The following B4GALNT4 variants were observed in gnomAD, a reference collection of about 807,000 sequenced individuals.
The protein encoded by B4GALNT4 is beta-1,4-N-acetyl-galactosaminyltransferase 4.
Under a neutral mutation model 110.0 loss-of-function variants are expected in B4GALNT4, and 77 were observed. That is an observed-to-expected ratio of 0.70 (90% CI 0.58 to 0.85). The LOEUF (loss-of-function observed/expected upper bound fraction) is 0.85. Ranked by LOEUF, B4GALNT4 falls within the 40% of genes least tolerant of loss-of-function variation. The pLI is 0.00. For synonymous variants in B4GALNT4, 785 were observed against 655.5 expected, an observed-to-expected ratio of 1.20 and a Z score of -3.02; for missense variants, 1,575 against 1,506.0, an observed-to-expected ratio of 1.05 and a Z score of -0.76.
Position 376,895 on chromosome 11 carries a change from C to A in B4GALNT4, c.1772C>A (p.Ala591Asp), listed in dbSNP as rs970642755. Residue 591 changes from alanine to aspartate, a missense_variant, in exon 14 of 20, where the codon GCC becomes GAC. Physicochemically the swap from Ala to Asp is moderately radical, Grantham distance 126 (BLOSUM62 -2). Coordinates refer to ENST00000329962, the MANE Select transcript of B4GALNT4 (RefSeq NM_178537.5). ...CAGGCCACACAGCCGAGGCCCCCAG[C>A]CCGGGCGCAGGCCACCCAAGGGGGC... ...GPQATQPRPP[A>D]RAQATQGGRE... The A allele has an allele frequency of 2.4e-5, 32 of 1,358,048 alleles. No individual in the cohort carries two copies. The African/African-American group carries it at 4.6e-4, about 20-fold the overall frequency. 84.1% of individuals were successfully genotyped at this position (1,358,048 alleles called of 1,614,324 possible). A position where few individuals can be genotyped will look rare whatever the true frequency, so the allele number is the denominator to read the frequency against.
intron 2 of B4GALNT4, 55 bp downstream of exon 2, chr11:372,267 C>T: frequency 1.3e-6 from 2 of 1,489,114 alleles, no homozygotes; most frequent in Non-Finnish European, 1.8e-6. Context: ...CCCGAAGCCA[C>T]TTGTGTGTTG....
chr11:377,229 C>G lies in B4GALNT4; in HGVS notation c.2106C>G (p.Asp702Glu), dbSNP rs753067652. The G allele has an allele frequency of 1.3e-6, 2 of 1,598,040 alleles. No individual in the cohort carries two copies. Among genetic ancestry groups the G allele is most frequent in the East Asian group, 4.5e-5 (2 of 44,068 alleles). ...DFELLRSDWN[D>E]LRCNVSGNLQ... Reference sequence around the variant, plus strand: ...AGCTGCTGCGCTCGGACTGGAACGACCTGCGATGCAACGTTTCGGGGAACC... The same window carrying G: ...AGCTGCTGCGCTCGGACTGGAACGAGCTGCGATGCAACGTTTCGGGGAACC... The change falls in exon 14 of 20, where the codon GAC becomes GAG. Residue 702 changes from aspartate (D) to glutamate (E), a missense_variant. Coordinates refer to ENST00000329962, the MANE Select transcript of B4GALNT4 (RefSeq NM_178537.5).
At chr11:373,403 A>AATGGG in intron 6 of B4GALNT4, 46 bp from the exon 7 acceptor site, 1 of 1,259,488 alleles carries the variant, frequency 7.9e-7, no homozygotes, top group Non-Finnish European at 1.1e-6. Flanking sequence ...CCAGGGAGAG[A>AATGGG]GTGAACCCCC....
intron 19 of B4GALNT4, chr11:381,237 G>T: frequency 1.4e-6 from 1 of 728,398 alleles, no homozygotes; most frequent in Non-Finnish European, 1.7e-6. Flanking sequence ...ATCCCACTGG[G>T]GCCATGCAGG....
At position 376,473 on chromosome 11, in the gene B4GALNT4, C is replaced by G. The variant is rs375138819; in HGVS notation, c.1350C>G (p.Thr450=). 6.3e-7 allele frequency: 1 copy of G among 1,591,702 alleles called. No homozygotes were observed. Among genetic ancestry groups the G allele is most frequent in the Admixed American group, 1.7e-5 (1 of 59,470 alleles). The change falls in exon 14 of 20, where the codon ACC becomes ACG. Residue 450 remains threonine, a synonymous_variant. Coordinates refer to ENST00000329962, the MANE Select transcript of B4GALNT4 (RefSeq NM_178537.5). ...AGCTGCTCGACAGCCTGGAGCCCACCGAGGCGGCCCCGCCCAGGAGCGGCC... is the reference window on the plus strand; with the variant it reads ...AGCTGCTCGACAGCCTGGAGCCCACGGAGGCGGCCCCGCCCAGGAGCGGCC... The part of the protein sequence containing the change: ...EGELLDSLEP[T]EAAPPRSGPQ...
chr11:374,401 G>A (rs2119649673), intron 8 of B4GALNT4, among the ~76,000 whole-genome samples: 1 of 151,590 alleles, frequency 6.6e-6, no homozygotes, highest in South Asian at 2.1e-4. Context: ...CCTGCAGCCT[G>A]GTGGGTGTGG....
chr11:370,259 C>A (rs1846593872), intron 1 of B4GALNT4, among the ~76,000 whole-genome samples: 1 of 152,174 alleles, frequency 6.6e-6, no homozygotes, highest in South Asian at 2.1e-4. Flanking sequence ...GGCTTGGATC[C>A]GGTAGTGAGG....
chr11:380,773 G>A lies in B4GALNT4; in HGVS notation c.2870-52G>A, dbSNP rs558434918. On this transcript the variant is annotated intron_variant, in intron 18 of 19. Coordinates refer to ENST00000329962, the MANE Select transcript of B4GALNT4 (RefSeq NM_178537.5). ...TCTCCTAGCGGCGCTTTGCCGGGGGGACCTTGCAGGACCTGGTCTGAAGGG... is the reference window on the plus strand; with the variant it reads ...TCTCCTAGCGGCGCTTTGCCGGGGGAACCTTGCAGGACCTGGTCTGAAGGG... The A allele has an allele frequency of 2.4e-5, 37 of 1,569,778 alleles. No individual in the cohort carries two copies. In the African/African-American group the frequency reaches 3.2e-4, roughly 14 times the overall value.
At chr11:374,102 ACAC>A (rs1254384130) in intron 8 of B4GALNT4, among the ~76,000 whole-genome samples, 1 of 151,630 alleles carries the variant, frequency 6.6e-6, no homozygotes, top group African/African-American at 2.4e-5. Flanking sequence ...GATGAATTCC[ACAC>A]CACAAGAACA....
Position 373,106 on chromosome 11 carries a change from G to T in B4GALNT4, c.525G>T (p.Pro175=), listed in dbSNP as rs112583474. ...YGLRIFGFIH[P]ARDGDVQFSV... is the part of the protein sequence containing the mutation. ...TCCGTATTTTTGGTTTCATCCACCC[G>T]GCGAGGGACGGTACGGGGGTGAGGG... Residue 175 remains proline (P), a synonymous_variant, in exon 5 of 20, where the codon CCG becomes CCT. Coordinates refer to ENST00000329962, the MANE Select transcript of B4GALNT4 (RefSeq NM_178537.5). The T allele has an allele frequency of 1.2e-6, 2 of 1,612,552 alleles. No individual in the cohort carries two copies. The highest frequency in any genetic ancestry group is 3.3e-5 in the Admixed American group (2 of 59,998).
In B4GALNT4 at chr11:376,570, C is replaced by G. The variant is rs902597528; in HGVS notation, c.1447C>G (p.Arg483Gly). ...CGCCCCGCCGACCCCTCCCCGCCCCCGGGACGGGGGGACCCCCAGGCACTC... is the reference window on the plus strand; with the variant it reads ...CGCCCCGCCGACCCCTCCCCGCCCCGGGGACGGGGGGACCCCCAGGCACTC... The part of the protein sequence containing the change: ...TLAPPTPPRP[R>G]DGGTPRHSRA... Residue 483 changes from arginine to glycine, a missense_variant, in exon 14 of 20, where the codon CGG (arginine) becomes GGG (glycine). Arg to Gly is a moderately radical substitution (Grantham distance 125). Coordinates refer to ENST00000329962, the MANE Select transcript of B4GALNT4 (RefSeq NM_178537.5). 7.4e-7 allele frequency: 1 copy of G among 1,354,430 alleles called. No individual in the cohort carries two copies. The highest frequency in any genetic ancestry group is 9.4e-7 in the Non-Finnish European group (1 of 1,062,190). 83.9% of individuals were successfully genotyped at this position (1,354,430 alleles called of 1,614,324 possible).
Position 372,141 on chromosome 11 carries a change from C to T in B4GALNT4, c.184C>T (p.Arg62Trp), listed in dbSNP as rs1338816180. 1.5e-5 allele frequency: 23 copies of T among 1,549,174 alleles called. No individual in the cohort carries two copies. Among genetic ancestry groups the T allele is most frequent in the East Asian group, 9.8e-5 (4 of 40,908 alleles). ...GEKLTSETDG[R>W]GVHAAPSTQR... ...GAAGCTGACCAGTGAGACCGACGGC[C>T]GGGGGGTCCACGCTGCGCCATCCAC... Residue 62 changes from arginine (R) to tryptophan (W), a missense_variant, in exon 2 of 20, where the codon CGG (arginine) becomes TGG (tryptophan). Physicochemically the swap from Arg to Trp is moderately radical, Grantham distance 101. Coordinates refer to ENST00000329962, the MANE Select transcript of B4GALNT4 (RefSeq NM_178537.5).
In B4GALNT4 at chr11:376,416, C is replaced by T. The variant is rs368580122; in HGVS notation, c.1298-5C>T. ...CAGGGAGCTTCTAACCCGCGTTTCC[C>T]GCAGACTTCCTGGACGACGAGGACG... On this transcript the variant is annotated splice_polypyrimidine_tract_variant and splice_region_variant and intron_variant, in intron 13 of 19. Transcript: ENST00000329962. The T allele has an allele frequency of 9.3e-5, 149 of 1,600,208 alleles. No individual in the cohort carries two copies. Among genetic ancestry groups the T allele is most frequent in the Non-Finnish European group, 1.2e-4 (137 of 1,178,222 alleles).
Position 381,910 on chromosome 11 carries a change from GTGCC to G in B4GALNT4, c.*123_*126del. ...GGTCAGAGGGGCACAGCCACCGCCT[GTGCC>G]TGCCCCTCTCTGGCCCACTGGGCGT... On this transcript the variant is annotated 3_prime_UTR_variant, in exon 20 of 20. Transcript: ENST00000329962. 8.0e-7 allele frequency: 1 copy of G among 1,253,340 alleles called. No individual in the cohort carries two copies. Among genetic ancestry groups the G allele is most frequent in the Non-Finnish European group, 1.0e-6 (1 of 960,608 alleles). 77.6% of individuals were successfully genotyped at this position (1,253,340 alleles called of 1,614,324 possible).
At position 375,789 on chromosome 11, in the gene B4GALNT4, C is replaced by CGCGGGG. The variant is rs763461271; in HGVS notation, c.985+20_985+25dup. On this transcript the variant is annotated intron_variant, in intron 10 of 19. Transcript: ENST00000329962. The stretch of plus-strand genomic sequence containing the variant: ...TTTTTCCTCAGTGAGAGGGGGCCCG[C>CGCGGGG]GCGGGGGCGAGGGCGGGGGTGCCTG... 2 of 1,600,984 alleles carry CGCGGGG rather than the reference C, an allele frequency of 1.2e-6. No individual in the cohort carries two copies. The highest frequency in any genetic ancestry group is 4.5e-5 in the East Asian group (2 of 44,702).
rs1846574524 is a variant in B4GALNT4 at position 369,711 on chromosome 11, C to T, written c.-93C>T. The stretch of plus-strand genomic sequence containing the variant: ...GCGGGGCCGCGGGCGCTGAGCGCGG[C>T]GGGGCGGGCCGGGGATGCGGCGCGG... On this transcript the variant is annotated 5_prime_UTR_variant, in exon 1 of 20. Coordinates refer to ENST00000329962, the MANE Select transcript of B4GALNT4 (RefSeq NM_178537.5). 3.2e-6 allele frequency: 2 copies of T among 616,632 alleles called. No individual in the cohort carries two copies. The highest frequency in any genetic ancestry group is 4.0e-6 in the Non-Finnish European group (2 of 499,180). 38.2% of individuals were successfully genotyped at this position (616,632 alleles called of 1,614,324 possible).
intron 1 of B4GALNT4, 88 bp from the exon 2 acceptor site, chr11:372,021 G>A: frequency 9.4e-7 from 1 of 1,067,488 alleles, no homozygotes; most frequent in Admixed American, 2.2e-5. Flanking sequence ...CTGGCCATGT[G>A]GGTCCCTGGC....
Position 376,487 on chromosome 11 carries a change from C to A in B4GALNT4, c.1364C>A (p.Pro455His), listed in dbSNP as rs1478345781. The A allele has an allele frequency of 7.0e-6, 11 of 1,574,182 alleles. No individual in the cohort carries two copies. Among genetic ancestry groups the A allele is most frequent in the Non-Finnish European group, 9.4e-6 (11 of 1,168,764 alleles). Reference protein sequence around the residue: ...DSLEPTEAAPPRSGPQSPAPA... With the variant: ...DSLEPTEAAPHRSGPQSPAPA... ...CTGGAGCCCACCGAGGCGGCCCCGC[C>A]CAGGAGCGGCCCCCAGTCCCCCGCC... Residue 455 changes from proline (P) to histidine (H), a missense_variant, in exon 14 of 20, where the codon CCC (proline) becomes CAC (histidine). Pro to His is a moderately conservative substitution (Grantham distance 77). Coordinates refer to ENST00000329962, the MANE Select transcript of B4GALNT4 (RefSeq NM_178537.5).
Position 373,502 on chromosome 11 carries a change from G to C in B4GALNT4, c.690G>C (p.Val230=). The C allele has an allele frequency of 6.2e-7, 1 of 1,601,128 alleles. No individual in the cohort carries two copies. The highest frequency in any genetic ancestry group is 8.5e-7 in the Non-Finnish European group (1 of 1,175,926). The change falls in exon 7 of 20, where the codon GTG becomes GTC. Residue 230 remains valine, a synonymous_variant. Transcript: ENST00000329962. The stretch of plus-strand genomic sequence containing the variant: ...AATTCACCAAGTTCAGCTCCCAGGT[G>C]TCCAAGCCCAGGCGGTGAGTGACTG... ...PGEFTKFSSQ[V]SKPRRLMASR...
Sources: allele counts gnomAD v4.1 joint callset (sites outside exome capture counted in the v4.1 genomes callset), GRCh38; gene constraint gnomAD v4.1.1; transcripts MANE v1.5; gene names NCBI Gene and HGNC (gene_info 2026-07-23, HGNC 2026-07-21).